CADPS2: variants seen among roughly 807,000 people sequenced by gnomAD.
The protein encoded by CADPS2 is calcium-dependent secretion activator 2.
CADPS2 carries 93 observed loss-of-function variants against 172.5 expected under a neutral mutation model. That is an observed-to-expected ratio of 0.54 (90% CI 0.46 to 0.64). The LOEUF (loss-of-function observed/expected upper bound fraction) is 0.64. Among genes scored for constraint, CADPS2 ranks in the 30% least tolerant of loss-of-function variants. CADPS2 has a pLI of 0.00. For synonymous variants in CADPS2, 546 were observed against 555.2 expected, an observed-to-expected ratio of 0.98 and a Z score of 0.23; for missense variants, 1,420 against 1,565.9, an observed-to-expected ratio of 0.91 and a Z score of 1.57.
intron 1 of CADPS2, among the ~76,000 whole-genome samples, chr7:122,805,209 G>T (rs1160918562): frequency 6.6e-6 from 1 of 152,114 alleles, no homozygotes; most frequent in African/African-American, 2.4e-5. Flanking sequence ...CGCCAGGCTG[G>T]AGTGCAGTGG....
intron 1 of CADPS2, among the ~76,000 whole-genome samples, chr7:122,820,556 G>GTTTTTTTTTTTTTTTT (rs551121404): frequency 4.6e-5 from 4 of 86,536 alleles, no homozygotes; most frequent in Non-Finnish European, 6.7e-5. Context: ...TTTGTTTTTT[G>GTTTTTTTTTTTTTTTT]TTTTTTTTTT....
chr7:122,752,525 G>C (rs578116687), intron 1 of CADPS2, among the ~76,000 whole-genome samples: 374 of 152,246 alleles, frequency 2.5e-3, no homozygotes, highest in Non-Finnish European at 4.3e-3. Context: ...CATATTATAA[G>C]GAATTACATG....
At chr7:122,488,140 A>G (rs533782974) in intron 11 of CADPS2, among the ~76,000 whole-genome samples, 34 of 152,304 alleles carry the variant, frequency 2.2e-4, no homozygotes, top group African/African-American at 8.2e-4. Context: ...AACAACAAGA[A>G]TCAAAACTCG....
intron 1 of CADPS2, among the ~76,000 whole-genome samples, chr7:122,870,790 T>C (rs1045407551): frequency 6.6e-6 from 1 of 152,088 alleles, no homozygotes; most frequent in Non-Finnish European, 1.5e-5. Context: ...CTTGTCCATG[T>C]CTATATTCCA....
chr7:122,467,511 A>C (rs1274168950), intron 14 of CADPS2, among the ~76,000 whole-genome samples: 1 of 152,180 alleles, frequency 6.6e-6, no homozygotes, highest in Non-Finnish European at 1.5e-5. Flanking sequence ...TTTGTGATAT[A>C]ATCTGGAATC....
chr7:122,593,725 G>GA (rs562427338), intron 6 of CADPS2, among the ~76,000 whole-genome samples: 10 of 150,638 alleles, frequency 6.6e-5, no homozygotes, highest in Admixed American at 2.7e-4. Flanking sequence ...CAGACAATAT[G>GA]AAAAAAAAGA....
intron 7 of CADPS2, among the ~76,000 whole-genome samples, chr7:122,573,658 CT>C (rs1287462085): frequency 2.0e-5 from 3 of 152,048 alleles, no homozygotes; most frequent in Non-Finnish European, 4.4e-5. Flanking sequence ...CCAAAATGTA[CT>C]TTGTACTCAA....
rs1339354640 is a variant in CADPS2, at chr7:122,753,852, A to G, written c.340-16784T>C. 2.0e-5 allele frequency among the ~76,000 whole-genome samples: 3 copies of G among 152,162 alleles called. 1 individual carries two copies. The highest frequency in any genetic ancestry group is 1.3e-4 in the Admixed American group (2 of 15,272). On this transcript the variant is annotated intron_variant, in intron 1 of 29. Transcript: ENST00000449022. ...GGGTGTTGCATATTTCACAGAGCAC[A>G]ATTTGCCCAATCAATACACTGCAGG...
chr7:122,834,060 A>T (rs1454074473), intron 1 of CADPS2, among the ~76,000 whole-genome samples: 1 of 152,194 alleles, frequency 6.6e-6, no homozygotes, highest in Non-Finnish European at 1.5e-5. Context: ...AGAACAACTT[A>T]AAAAACAGGT....
At chr7:122,857,196 GATA>G (rs1563187243) in intron 1 of CADPS2, among the ~76,000 whole-genome samples, 2 of 152,134 alleles carry the variant, frequency 1.3e-5, no homozygotes, top group Non-Finnish European at 2.9e-5. Flanking sequence ...GCATGGAAAC[GATA>G]ATGATAAGGA....
intron 1 of CADPS2, among the ~76,000 whole-genome samples, chr7:122,762,056 A>G (rs1005515050): frequency 7.5e-6 from 1 of 133,546 alleles, no homozygotes. Flanking sequence ...ACACACACAC[A>G]CGTATATTTA....
intron 8 of CADPS2, among the ~76,000 whole-genome samples, chr7:122,543,066 TA>T (rs755013774): frequency 1.1e-4 from 17 of 151,404 alleles, no homozygotes; most frequent in South Asian, 1.0e-3. Context: ...TAAAGTAAGT[TA>T]TTTTTTTTTA....
chr7:122,754,100 G>C (rs2093062103), intron 1 of CADPS2, among the ~76,000 whole-genome samples: 1 of 152,154 alleles, frequency 6.6e-6, no homozygotes, highest in Non-Finnish European at 1.5e-5. Context: ...CAGTAAGGTT[G>C]AGTCACAATT....
intron 3 of CADPS2, among the ~76,000 whole-genome samples, chr7:122,652,657 T>C (rs1489908696): frequency 1.3e-5 from 2 of 152,224 alleles, no homozygotes; most frequent in South Asian, 2.1e-4. Context: ...CCACTCATTT[T>C]AGACTGTACA....
chr7:122,672,182 A>G (rs528446627), intron 2 of CADPS2, among the ~76,000 whole-genome samples: 2 of 152,360 alleles, frequency 1.3e-5, no homozygotes, highest in South Asian at 4.1e-4. Context: ...ACTAACAATG[A>G]TGGGTTTACT....
At chr7:122,668,436 A>C (rs911888039) in intron 2 of CADPS2, among the ~76,000 whole-genome samples, 7 of 151,538 alleles carry the variant, frequency 4.6e-5, no homozygotes, top group Non-Finnish European at 8.8e-5. Context: ...AAACTGAAAG[A>C]GTCAAGACAA....
At chr7:122,439,302 AC>A (rs1361134079) in intron 16 of CADPS2, 1 of 152,210 alleles carries the variant, frequency 6.6e-6, no homozygotes, top group Non-Finnish European at 1.5e-5. Context: ...AGTTTTGATT[AC>A]ACTATTAGTA....
chr7:122,734,200 T>C (rs2091927018), intron 2 of CADPS2, among the ~76,000 whole-genome samples: 1 of 150,038 alleles, frequency 6.7e-6, no homozygotes, highest in Non-Finnish European at 1.5e-5. Flanking sequence ...AATTATCTTG[T>C]TTATAAGACT....
At chr7:122,713,932 T>G (rs1309606611) in intron 2 of CADPS2, among the ~76,000 whole-genome samples, 1 of 152,078 alleles carries the variant, frequency 6.6e-6, no homozygotes, top group Non-Finnish European at 1.5e-5. Flanking sequence ...GAAGTAAAGC[T>G]TTTCATTAGC....
Sources: allele counts gnomAD v4.1 joint callset (sites outside exome capture counted in the v4.1 genomes callset), GRCh38; gene constraint gnomAD v4.1.1; transcripts MANE v1.5; gene names NCBI Gene and HGNC (gene_info 2026-07-23, HGNC 2026-07-21).